The following MGST2 variants were observed in gnomAD, a reference collection of about 807,000 sequenced individuals.
MGST2 encodes the protein microsomal glutathione S-transferase 2.
MGST2 carries 9 observed loss-of-function variants against 16.6 expected under a neutral mutation model. The ratio of observed to expected loss-of-function variants is 0.54; its 90% CI spans 0.33 to 0.95. MGST2 has a LOEUF of 0.95. MGST2 is among the 40% of genes least tolerant of loss of function. The pLI, the probability that MGST2 is intolerant of heterozygous loss-of-function variation, is 0.03. For missense variants in MGST2, 159 were observed against 175.1 expected, an observed-to-expected ratio of 0.91 and a Z score of 0.52; for synonymous variants, 79 against 68.0, an observed-to-expected ratio of 1.16 and a Z score of -0.79.
chr4:139,722,658 A>G (rs1446848989), intron 5 of MGST2, among the ~76,000 whole-genome samples: 4 of 152,200 alleles, frequency 2.6e-5, no homozygotes, highest in African/African-American at 9.6e-5. Context: ...AAAAATAAGT[A>G]TTTCCCCATA....
At chr4:139,723,821 C>T (rs943404023) in intron 5 of MGST2, among the ~76,000 whole-genome samples, 9 of 152,168 alleles carry the variant, frequency 5.9e-5, no homozygotes, top group African/African-American at 1.4e-4. Flanking sequence ...AGCTCTCAAG[C>T]GTGGTTCCCT....
the MGST2 span, among the ~76,000 whole-genome samples, chr4:139,751,052 G>A: frequency 0.28 from 42,730 of 152,084 alleles, 6,105 homozygotes; most frequent in African/African-American, 0.3. Flanking sequence ...TCAGTCGTCC[G>A]TCTTCAGGGT....
At chr4:139,691,921 C>A (rs552124992) in intron 2 of MGST2, among the ~76,000 whole-genome samples, 1 of 152,084 alleles carries the variant, frequency 6.6e-6, no homozygotes, top group Non-Finnish European at 1.5e-5. Flanking sequence ...AGGACGGTCT[C>A]GATCTCCTGA....
chr4:139,748,053 TAAAAAAAAAA>T, the MGST2 span, among the ~76,000 whole-genome samples: 4 of 95,536 alleles, frequency 4.2e-5, no homozygotes, highest in East Asian at 3.0e-4. Flanking sequence ...AGACTTCGTC[TAAAAAAAAAA>T]AAAAAAAAAA....
chr4:139,709,710 A>G (rs1261942011), intron 5 of MGST2, among the ~76,000 whole-genome samples: 2 of 152,252 alleles, frequency 1.3e-5, no homozygotes, highest in Non-Finnish European at 2.9e-5. Context: ...GAGAAGTTAA[A>G]ACCTAAAATC....
At chr4:139,740,995 C>T (rs561551094), downstream of MGST2, among the ~76,000 whole-genome samples, 12 of 152,272 alleles carry the variant, frequency 7.9e-5, 1 homozygote, top group South Asian at 2.1e-3. Flanking sequence ...GCCGGTTTCC[C>T]GACTGCTGAA....
At chr4:139,729,974 A>G (rs79382291) in intron 5 of MGST2, among the ~76,000 whole-genome samples, 1,654 of 152,290 alleles carry the variant, frequency 0.011, 33 homozygotes, top group African/African-American at 0.038. Flanking sequence ...TACCCATTCT[A>G]TAGAATTCTT....
At chr4:139,739,051 G>A (rs1729063456) in intron 5 of MGST2, among the ~76,000 whole-genome samples, 1 of 152,176 alleles carries the variant, frequency 6.6e-6, no homozygotes, top group African/African-American at 2.4e-5. Flanking sequence ...AAGACTATGA[G>A]TCTTCCCAGT....
the MGST2 span, among the ~76,000 whole-genome samples, chr4:139,745,985 G>A: frequency 6.6e-6 from 1 of 152,182 alleles, no homozygotes; most frequent in Non-Finnish European, 1.5e-5. Flanking sequence ...GCTACTAAAT[G>A]TTTCATTCAC....
At chr4:139,690,708 C>T (rs1351751485) in intron 2 of MGST2, among the ~76,000 whole-genome samples, 1 of 152,168 alleles carries the variant, frequency 6.6e-6, no homozygotes, top group African/African-American at 2.4e-5. Context: ...GTTGAAGGAA[C>T]TGCCACATTT....
intron 2 of MGST2, among the ~76,000 whole-genome samples, 166 bp from the exon 3 acceptor site, chr4:139,695,031 T>C (rs1264813893): frequency 6.6e-6 from 1 of 152,216 alleles, no homozygotes; most frequent in African/African-American, 2.4e-5. Context: ...GTTTAAACAA[T>C]GTTCAACCTT....
At chr4:139,682,502 G>A (rs549980663) in intron 2 of MGST2, among the ~76,000 whole-genome samples, 4 of 152,246 alleles carry the variant, frequency 2.6e-5, no homozygotes, top group East Asian at 1.9e-4. Context: ...GGGAGTGGGA[G>A]GAGGTCAACT....
intron 3 of MGST2, among the ~76,000 whole-genome samples, chr4:139,695,490 C>T (rs779229512): frequency 4.3e-4 from 65 of 152,092 alleles, no homozygotes; most frequent in Non-Finnish European, 6.2e-4. Context: ...AGTGTGGTGG[C>T]GCATGCCTGT....
chr4:139,686,137 A>C (rs1230011804), intron 2 of MGST2, among the ~76,000 whole-genome samples: 1 of 152,202 alleles, frequency 6.6e-6, no homozygotes, highest in Non-Finnish European at 1.5e-5. Context: ...TTTGTCCAGA[A>C]AAGTGGGACA....
the MGST2 span, among the ~76,000 whole-genome samples, chr4:139,752,167 C>T: frequency 6.6e-6 from 1 of 152,182 alleles, no homozygotes; most frequent in Non-Finnish European, 1.5e-5. Flanking sequence ...ATTCCTATTT[C>T]ATTAGCTCTA....
At chr4:139,688,961 A>G (rs1162476705) in intron 2 of MGST2, among the ~76,000 whole-genome samples, 1 of 152,126 alleles carries the variant, frequency 6.6e-6, no homozygotes, top group Non-Finnish European at 1.5e-5. Flanking sequence ...TACAAAAATT[A>G]GCTGGGCGTG....
chr4:139,665,906 C>CT lies in MGST2; in HGVS notation c.-110dup. 1 of 1,055,594 alleles carries CT rather than the reference C, an allele frequency of 9.5e-7. No homozygotes were observed. 65.4% of individuals were successfully genotyped at this position (1,055,594 alleles called of 1,614,324 possible). A position where few individuals can be genotyped will look rare whatever the true frequency, so the allele number is the denominator to read the frequency against. On this transcript the variant is annotated 5_prime_UTR_variant, in exon 1 of 5. Coordinates refer to ENST00000265498, the MANE Select transcript of MGST2 (RefSeq NM_002413.5). ...AGGTCATTCAGCCGCTTGAATCAGC[C>CT]TTTTCCCCCCACCCGGTCCCCAACT...
At chr4:139,746,212 G>C in the MGST2 span, among the ~76,000 whole-genome samples, 9 of 152,250 alleles carry the variant, frequency 5.9e-5, no homozygotes, top group African/African-American at 2.2e-4. Flanking sequence ...TTATATTTTT[G>C]TAAGATAATT....
chr4:139,710,270 C>G (rs929404793), intron 5 of MGST2, among the ~76,000 whole-genome samples: 1 of 152,208 alleles, frequency 6.6e-6, no homozygotes, highest in Non-Finnish European at 1.5e-5. Context: ...TGAAATACGT[C>G]TTTCTCACTG....
Sources: gnomAD v4.1 joint callset for allele counts (sites outside exome capture counted in the v4.1 genomes callset) on GRCh38, gnomAD v4.1.1 for gene constraint, MANE v1.5 for transcripts, NCBI Gene and HGNC (gene_info 2026-07-23, HGNC 2026-07-21) for gene names.